DTNA: variants seen among roughly 807,000 people sequenced by gnomAD.
DTNA encodes the protein dystrophin-related protein 3.
In DTNA, 43 loss-of-function variants were observed where a neutral mutation model predicts 100.7. That is an observed-to-expected ratio of 0.43 (90% CI 0.33 to 0.55). The LOEUF is 0.55. Among genes scored for constraint, DTNA ranks in the 20% least tolerant of loss-of-function variants. The probability of loss-of-function intolerance (pLI) is 0.04; values close to 1 mark genes in which losing one functional copy is unlikely to be tolerated. For synonymous variants in DTNA, 349 were observed against 347.9 expected (o/e 1.00, Z -0.04); for missense variants, 798 against 953.9 (o/e 0.84, Z 2.15).
At position 34,889,164 on chromosome 18, in the gene DTNA, T is replaced by G. The variant is rs2096948713; in HGVS notation, c.*1430T>G. ...AAAAGCCTGCGACCTATTCAATACA[T>G]TATGCTTAAATTAGCAGTTTCTCTG... On this transcript the variant is annotated 3_prime_UTR_variant, in exon 23 of 23. Coordinates refer to ENST00000444659, the MANE Select transcript of DTNA (RefSeq NM_001386795.1). 1.0e-6 allele frequency: 1 copy of G among 985,380 alleles called. No homozygotes were observed. Among genetic ancestry groups the G allele is most frequent in the African/African-American group, 1.7e-5 (1 of 57,332 alleles). 61.0% of individuals were successfully genotyped at this position (985,380 alleles called of 1,614,324 possible).
At chr18:34,794,348 T>A (rs2094879342) in intron 4 of DTNA, 98 bp downstream of exon 4, 3 of 1,354,368 alleles carry the variant, frequency 2.2e-6, no homozygotes. Context: ...TCTCTCTCTT[T>A]TTTTTTTTAC....
intron 1 of DTNA, among the ~76,000 whole-genome samples, chr18:34,670,005 A>G (rs1315297069): frequency 3.3e-5 from 5 of 152,178 alleles, no homozygotes; most frequent in South Asian, 2.1e-4. Context: ...TCTCCTGGAT[A>G]ATATCCTGAA....
At chr18:34,842,801 T>A (rs1202121104) in intron 13 of DTNA, among the ~76,000 whole-genome samples, 2 of 152,190 alleles carry the variant, frequency 1.3e-5, no homozygotes, top group South Asian at 2.1e-4. Context: ...ACTATTTTTA[T>A]TTTCTTCTTA....
intron 1 of DTNA, among the ~76,000 whole-genome samples, chr18:34,671,272 A>T (rs2076720323): frequency 6.6e-6 from 1 of 152,144 alleles, no homozygotes; most frequent in African/African-American, 2.4e-5. Context: ...TGCTAAGACC[A>T]TTGGAAAAGT....
chr18:34,663,532 G>A (rs907668354), intron 1 of DTNA, among the ~76,000 whole-genome samples: 1 of 152,248 alleles, frequency 6.6e-6, no homozygotes, highest in Non-Finnish European at 1.5e-5. Flanking sequence ...GTTGAGGTGC[G>A]GTAGTTGTCT....
intron 1 of DTNA, among the ~76,000 whole-genome samples, chr18:34,661,636 A>G (rs763597881): frequency 1.3e-5 from 2 of 152,186 alleles, no homozygotes; most frequent in Non-Finnish European, 2.9e-5. Flanking sequence ...TTCAATAAAC[A>G]GGATGAATGA....
intron 3 of DTNA, among the ~76,000 whole-genome samples, chr18:34,787,569 CTCTA>C (rs1371028035): frequency 6.6e-6 from 1 of 152,180 alleles, no homozygotes; most frequent in Non-Finnish European, 1.5e-5. Flanking sequence ...CATCAGCCAT[CTCTA>C]TCTAGATATA....
At chr18:34,884,911 C>T (rs907248282) in intron 22 of DTNA, 135 bp downstream of exon 22, 8 of 1,074,752 alleles carry the variant, frequency 7.4e-6, no homozygotes, top group Admixed American at 3.5e-5. Context: ...CTGCTGATAT[C>T]GAAGAGTCGT....
intron 4 of DTNA, among the ~76,000 whole-genome samples, chr18:34,799,664 G>A (rs1472991905): frequency 2.0e-5 from 3 of 152,080 alleles, no homozygotes; most frequent in African/African-American, 7.2e-5. Context: ...CTAAAATCTT[G>A]TTGTAGTGAA....
At position 34,689,305 on chromosome 18, in the gene DTNA, G is replaced by A. The variant is rs186374383; in HGVS notation, c.-1-66671G>A. On this transcript the variant is annotated intron_variant, in intron 1 of 19. Coordinates refer to the DTNA transcript ENST00000283365. Reference sequence around the variant, plus strand: ...TATCTATTTTTGGTCTTTGTTGTTGGTGACCTTCAGATGGAGTTTTGGGTG... The same window carrying A: ...TATCTATTTTTGGTCTTTGTTGTTGATGACCTTCAGATGGAGTTTTGGGTG... Among the ~76,000 whole-genome samples, 7 of 151,954 alleles carry A rather than the reference G, an allele frequency of 4.6e-5. No homozygotes were observed. The East Asian group carries it at 1.4e-3, about 29-fold the overall frequency.
intron 1 of DTNA, among the ~76,000 whole-genome samples, chr18:34,649,233 C>T (rs1301463714): frequency 6.6e-6 from 1 of 152,100 alleles, no homozygotes. Context: ...AGTGATTTCC[C>T]AGAGGTATTG....
At chr18:34,659,722 A>G (rs1322158215) in intron 1 of DTNA, among the ~76,000 whole-genome samples, 1 of 152,136 alleles carries the variant, frequency 6.6e-6, no homozygotes, top group Admixed American at 6.6e-5. Context: ...GAAAAATAAA[A>G]TACTTCCTCT....
chr18:34,575,186 G>A (rs2047997298), intron 1 of DTNA, among the ~76,000 whole-genome samples: 2 of 152,010 alleles, frequency 1.3e-5, no homozygotes, highest in African/African-American at 2.4e-5. Flanking sequence ...CTCGTTTCTT[G>A]TCAAGCTTTT....
intron 1 of DTNA, among the ~76,000 whole-genome samples, chr18:34,530,121 T>G (rs2043004510): frequency 6.6e-6 from 1 of 152,044 alleles, no homozygotes; most frequent in African/African-American, 2.4e-5. Flanking sequence ...GTACTCCTGC[T>G]CATAGCTGAT....
intron 1 of DTNA, among the ~76,000 whole-genome samples, chr18:34,683,972 G>A (rs1017097830): frequency 6.6e-6 from 1 of 152,076 alleles, no homozygotes; most frequent in African/African-American, 2.4e-5. Context: ...GGAAGTTGGG[G>A]TACACATATG....
At chr18:34,811,829 G>A (rs1474281485) in intron 5 of DTNA, 130 bp from the exon 6 acceptor site, 3 of 1,063,526 alleles carry the variant, frequency 2.8e-6, no homozygotes, top group Non-Finnish European at 4.1e-6. Flanking sequence ...ATAAAAATTA[G>A]CTTTTATATT....
At chr18:34,651,645 A>G (rs2060456127) in intron 1 of DTNA, among the ~76,000 whole-genome samples, 1 of 152,234 alleles carries the variant, frequency 6.6e-6, no homozygotes, top group South Asian at 2.1e-4. Context: ...CTACCATAAA[A>G]TGGAAAACTA....
chr18:34,511,496 G>C (rs1210672851), intron 1 of DTNA, among the ~76,000 whole-genome samples: 2 of 152,076 alleles, frequency 1.3e-5, no homozygotes, highest in African/African-American at 4.8e-5. Context: ...AAGATAACTT[G>C]AGAGTTGGCT....
intron 1 of DTNA, among the ~76,000 whole-genome samples, chr18:34,546,729 T>G (rs1422509005): frequency 2.6e-5 from 4 of 152,032 alleles, no homozygotes; most frequent in Non-Finnish European, 4.4e-5. Context: ...TTACCTGCCC[T>G]TATTTTTTTG....
Sources: allele counts gnomAD v4.1 joint callset (sites outside exome capture counted in the v4.1 genomes callset), GRCh38; gene constraint gnomAD v4.1.1; transcripts MANE v1.5; gene names NCBI Gene and HGNC (gene_info 2026-07-23, HGNC 2026-07-21).